The following LDB2 variants were observed in gnomAD, a reference collection of about 807,000 sequenced individuals.
LDB2 encodes LIM domain binding 2.
Under a neutral mutation model 44.3 loss-of-function variants are expected in LDB2, and 12 were observed. The ratio of observed to expected loss-of-function variants is 0.27; its 90% CI spans 0.17 to 0.44. The LOEUF (loss-of-function observed/expected upper bound fraction) is 0.44, where lower values mean the gene tolerates loss of function less well. Among genes scored for constraint, LDB2 ranks in the 20% least tolerant of loss-of-function variants. The pLI is 1.00. For missense variants in LDB2, 344 were observed against 473.5 expected (o/e 0.73, Z 2.54); for synonymous variants, 164 against 174.8 (o/e 0.94, Z 0.49).
chr4:16,678,674 G>T (rs927138317), intron 2 of LDB2, among the ~76,000 whole-genome samples: 1 of 152,178 alleles, frequency 6.6e-6, no homozygotes, highest in African/African-American at 2.4e-5. Flanking sequence ...CTTTGGGAGA[G>T]AACTGTCTGC....
intron 1 of LDB2, among the ~76,000 whole-genome samples, chr4:16,847,334 G>GA (rs1309323138): frequency 6.6e-6 from 1 of 152,114 alleles, no homozygotes; most frequent in African/African-American, 2.4e-5. Context: ...CATACTAATG[G>GA]AAAGGTCAAT....
At chr4:16,642,184 T>G (rs892903456) in intron 2 of LDB2, among the ~76,000 whole-genome samples, 3 of 152,138 alleles carry the variant, frequency 2.0e-5, no homozygotes, top group African/African-American at 2.4e-5. Flanking sequence ...TGGAGGGAAA[T>G]TCATAGCAGT....
At chr4:16,609,091 C>T (rs768963086) in intron 2 of LDB2, among the ~76,000 whole-genome samples, 1 of 152,088 alleles carries the variant, frequency 6.6e-6, no homozygotes, top group Non-Finnish European at 1.5e-5. Flanking sequence ...TGGTGTGACC[C>T]ATGGAGAGAA....
intron 5 of LDB2, among the ~76,000 whole-genome samples, chr4:16,569,240 C>T (rs923902187): frequency 6.6e-6 from 1 of 152,132 alleles, no homozygotes; most frequent in Non-Finnish European, 1.5e-5. Flanking sequence ...AAATAAAATC[C>T]ACATTGTCAG....
chr4:16,737,343 C>G (rs1169302937), intron 2 of LDB2, among the ~76,000 whole-genome samples: 1 of 152,196 alleles, frequency 6.6e-6, no homozygotes, highest in Non-Finnish European at 1.5e-5. Context: ...ATCCTCCCAC[C>G]TCAGCTTCCT....
intron 2 of LDB2, among the ~76,000 whole-genome samples, chr4:16,721,013 C>T (rs919384030): frequency 6.6e-6 from 1 of 152,118 alleles, no homozygotes; most frequent in Non-Finnish European, 1.5e-5. Flanking sequence ...AGAAAAAATT[C>T]AGCATTGGAT....
At chr4:16,536,437 T>G (rs1577465067) in intron 5 of LDB2, among the ~76,000 whole-genome samples, 1 of 152,288 alleles carries the variant, frequency 6.6e-6, no homozygotes, top group Middle Eastern at 3.4e-3. Context: ...GTGCTGCTGG[T>G]CAGATGTCCA....
intron 1 of LDB2, among the ~76,000 whole-genome samples, chr4:16,837,303 A>G (rs6842244): frequency 0.018 from 2,730 of 152,310 alleles, 91 homozygotes; most frequent in African/African-American, 0.062. Context: ...ATTTAATGAA[A>G]TAGCATATGT....
chr4:16,881,672 T>C (rs1471330298), intron 1 of LDB2, among the ~76,000 whole-genome samples: 1 of 150,552 alleles, frequency 6.6e-6, no homozygotes, highest in Non-Finnish European at 1.5e-5. Context: ...TATGATTAAC[T>C]TCCTGATAAG....
chr4:16,641,374 G>A (rs1012439781), intron 2 of LDB2, among the ~76,000 whole-genome samples: 2 of 152,158 alleles, frequency 1.3e-5, no homozygotes, highest in African/African-American at 2.4e-5. Flanking sequence ...TCAGGGGCAC[G>A]GTAACTGTGT....
intron 5 of LDB2, among the ~76,000 whole-genome samples, chr4:16,548,338 C>G (rs1260328359): frequency 6.6e-6 from 1 of 152,168 alleles, no homozygotes; most frequent in Non-Finnish European, 1.5e-5. Flanking sequence ...CCCAAGGCTT[C>G]TGATCCCAAA....
intron 2 of LDB2, among the ~76,000 whole-genome samples, chr4:16,640,784 GAA>G (rs1480777305): frequency 6.6e-6 from 1 of 152,138 alleles, no homozygotes; most frequent in Non-Finnish European, 1.5e-5. Context: ...CTTTTCCTCT[GAA>G]AAGAGTAGAT....
intron 1 of LDB2, among the ~76,000 whole-genome samples, chr4:16,884,862 C>T (rs1389508713): frequency 6.6e-6 from 1 of 152,130 alleles, no homozygotes; most frequent in Non-Finnish European, 1.5e-5. Flanking sequence ...CTGTTATTCC[C>T]TACATTACCC....
chr4:16,620,864 T>G lies in LDB2; in HGVS notation c.236-24989A>C, dbSNP rs538022978. Among the ~76,000 whole-genome samples, 24 of 152,352 alleles carry G rather than the reference T, an allele frequency of 1.6e-4. 2 individuals carry two copies. In the South Asian group the frequency reaches 4.8e-3, roughly 30 times the overall value. On this transcript the variant is annotated intron_variant, in intron 2 of 7. Coordinates refer to ENST00000304523, the MANE Select transcript of LDB2 (RefSeq NM_001290.5). ...GTTATTTGCCTGAAGACATAAGCCA[T>G]GTTCTCCAGTAACTGTTTATACCAG...
chr4:16,637,545 T>G (rs1733960477), intron 2 of LDB2, among the ~76,000 whole-genome samples: 1 of 152,122 alleles, frequency 6.6e-6, no homozygotes, highest in South Asian at 2.1e-4. Flanking sequence ...ATCTGTCCTC[T>G]TGGGGTTTAA....
In LDB2 at chr4:16,785,531, G is replaced by A. The variant is rs892427103; in HGVS notation, c.133-26271C>T. On this transcript the variant is annotated intron_variant, in intron 1 of 7. Coordinates refer to ENST00000304523, the MANE Select transcript of LDB2 (RefSeq NM_001290.5). ...ATGTAATGTGGCAGCATCGCCTACCGTGGCTGCAATGGCCGGGCAGCAGCC... is the reference window on the plus strand; with the variant it reads ...ATGTAATGTGGCAGCATCGCCTACCATGGCTGCAATGGCCGGGCAGCAGCC... Among the ~76,000 whole-genome samples the A allele has an allele frequency of 6.8e-4, 104 of 152,300 alleles. 1 individual carries two copies. The highest frequency in any genetic ancestry group is 3.4e-3 in the Middle Eastern group (1 of 294).
intron 2 of LDB2, among the ~76,000 whole-genome samples, chr4:16,719,949 A>T (rs189260059): frequency 0.011 from 1,664 of 149,116 alleles, 31 homozygotes; most frequent in African/African-American, 0.04. Context: ...CCAACCAGAT[A>T]CAGATTCTAG....
intron 2 of LDB2, among the ~76,000 whole-genome samples, chr4:16,696,638 G>A (rs1205464601): frequency 6.6e-6 from 1 of 152,134 alleles, no homozygotes; most frequent in African/African-American, 2.4e-5. Flanking sequence ...TTGTAAACTG[G>A]TCACAGCAGA....
chr4:16,568,718 C>A (rs558953055), intron 5 of LDB2, among the ~76,000 whole-genome samples: 10 of 152,180 alleles, frequency 6.6e-5, no homozygotes, highest in African/African-American at 2.2e-4. Flanking sequence ...CCTTCATATA[C>A]GTGGCTTTCA....
Sources: gnomAD v4.1 joint callset for allele counts (sites outside exome capture counted in the v4.1 genomes callset) on GRCh38, gnomAD v4.1.1 for gene constraint, MANE v1.5 for transcripts, NCBI Gene and HGNC (gene_info 2026-07-23, HGNC 2026-07-21) for gene names.